The following DLGAP2 variants were observed in gnomAD, a reference collection of about 807,000 sequenced individuals.
The protein encoded by DLGAP2 is disks large-associated protein 2.
Under a neutral mutation model 100.3 loss-of-function variants are expected in DLGAP2, and 26 were observed. The observed-to-expected ratio is 0.26, with a 90% CI of 0.19 to 0.36. DLGAP2 has a LOEUF of 0.36. DLGAP2 is among the 10% of genes least tolerant of loss of function. The pLI is 1.00. For missense variants in DLGAP2, 1,858 were observed against 1,453.2 expected (o/e 1.28, Z -4.53); for synonymous variants, 886 against 630.1 (o/e 1.41, Z -6.08).
At chr8:1,386,027 C>G (rs1264571324) in intron 3 of DLGAP2, among the ~76,000 whole-genome samples, 1 of 152,248 alleles carries the variant, frequency 6.6e-6, no homozygotes, top group Non-Finnish European at 1.5e-5. Flanking sequence ...AATTAAATCT[C>G]TTGTTACAAA....
chr8:1,565,840 T>G lies in DLGAP2; in HGVS notation c.1388T>G (p.Leu463Arg), dbSNP rs553712210. ...AAGACATCACCAAAGTCGGCAATCC[T>G]ACCAGAGCCGCTGCTGAAGTCCATC... ...SPKTSPKSAI[L>R]PEPLLKSIGQ... Residue 463 changes from leucine (L) to arginine (R), a missense_variant, in exon 6 of 15, where the codon CTA becomes CGA. Physicochemically the swap from Leu to Arg is moderately radical, Grantham distance 102. Transcript: ENST00000637795. The G allele has an allele frequency of 6.2e-7, 1 of 1,613,382 alleles. No homozygotes were observed. Among genetic ancestry groups the G allele is most frequent in the Admixed American group, 1.7e-5 (1 of 59,948 alleles).
intron 2 of DLGAP2, among the ~76,000 whole-genome samples, chr8:1,257,823 G>T (rs1799261094): frequency 6.6e-6 from 1 of 152,236 alleles, no homozygotes; most frequent in Non-Finnish European, 1.5e-5. Flanking sequence ...TGACGCACAT[G>T]CTCATTCCCT....
At chr8:905,151 T>C (rs1798352123) in intron 1 of DLGAP2, among the ~76,000 whole-genome samples, 1 of 152,156 alleles carries the variant, frequency 6.6e-6, no homozygotes, top group Non-Finnish European at 1.5e-5. Context: ...TGATTTGTCT[T>C]GGATCCTCAA....
At chr8:922,835 G>C (rs1417355377) in intron 2 of DLGAP2, among the ~76,000 whole-genome samples, 2 of 152,168 alleles carry the variant, frequency 1.3e-5, no homozygotes, top group African/African-American at 4.8e-5. Flanking sequence ...TGTTCTCTCA[G>C]GTGTGAGTTG....
chr8:1,551,038 A>C (rs1263989667), intron 5 of DLGAP2, among the ~76,000 whole-genome samples: 1 of 152,230 alleles, frequency 6.6e-6, no homozygotes, highest in Non-Finnish European at 1.5e-5. Flanking sequence ...CGTGGTGGCA[A>C]ATCCTTCCAG....
At chr8:1,246,622 A>C (rs959750003) in intron 2 of DLGAP2, among the ~76,000 whole-genome samples, 2 of 152,274 alleles carry the variant, frequency 1.3e-5, no homozygotes, top group Admixed American at 6.5e-5. Flanking sequence ...ACCCAAGTTT[A>C]GTGAAGACAA....
intron 3 of DLGAP2, among the ~76,000 whole-genome samples, chr8:1,469,154 G>A (rs193025728): frequency 1.8e-3 from 267 of 152,354 alleles, no homozygotes; most frequent in African/African-American, 6.0e-3. Context: ...GCACCAGGCA[G>A]AGGCCTGCCC....
rs1178037914 is a variant in DLGAP2, at chr8:1,566,662, A to G, written c.1442+768A>G. ...GGCCAGTGCCACATAAGAGTTATTAATTATGACCCACACATCAGACAGGGA... is the reference window on the plus strand; with the variant it reads ...GGCCAGTGCCACATAAGAGTTATTAGTTATGACCCACACATCAGACAGGGA... On this transcript the variant is annotated intron_variant, in intron 6 of 14. Coordinates refer to ENST00000637795, the MANE Select transcript of DLGAP2 (RefSeq NM_001346810.2). Among the ~76,000 whole-genome samples the G allele has an allele frequency of 3.3e-5, 5 of 152,186 alleles. No individual in the cohort carries two copies. The East Asian group carries it at 9.6e-4, about 29-fold the overall frequency.
At chr8:1,336,689 G>A (rs1801283074) in intron 3 of DLGAP2, among the ~76,000 whole-genome samples, 1 of 152,162 alleles carries the variant, frequency 6.6e-6, no homozygotes, top group Non-Finnish European at 1.5e-5. Flanking sequence ...TGCTTCTGTT[G>A]AGCCACTCTT....
intron 4 of DLGAP2, among the ~76,000 whole-genome samples, chr8:1,523,934 G>A (rs534919056): frequency 6.6e-6 from 1 of 152,192 alleles, no homozygotes; most frequent in African/African-American, 2.4e-5. Flanking sequence ...TAAGCTGCTG[G>A]ATCTGTGGGG....
At chr8:1,626,912 C>T in intron 7 of DLGAP2, 25 bp downstream of exon 7, 1 of 1,568,294 alleles carries the variant, frequency 6.4e-7, no homozygotes, top group Non-Finnish European at 8.6e-7. Context: ...GCCCTTTCTC[C>T]CTGGGGTCCA....
At chr8:919,311 G>C (rs533047619) in intron 2 of DLGAP2, among the ~76,000 whole-genome samples, 1 of 152,312 alleles carries the variant, frequency 6.6e-6, no homozygotes, top group South Asian at 2.1e-4. Flanking sequence ...GGGTAGCTGA[G>C]ACAGAGCTGC....
intron 2 of DLGAP2, among the ~76,000 whole-genome samples, chr8:977,160 C>T (rs1172547896): frequency 6.6e-6 from 1 of 152,228 alleles, no homozygotes; most frequent in African/African-American, 2.4e-5. Context: ...CCTCCTCTTG[C>T]CTCCCCTCCT....
chr8:746,880 T>G (rs570209192), intron 1 of DLGAP2, among the ~76,000 whole-genome samples: 1 of 152,326 alleles, frequency 6.6e-6, no homozygotes, highest in South Asian at 2.1e-4. Context: ...CCTGAAGGCA[T>G]GATGCGAGGA....
At chr8:839,170 T>A (rs1054413302) in intron 1 of DLGAP2, among the ~76,000 whole-genome samples, 47 of 152,082 alleles carry the variant, frequency 3.1e-4, no homozygotes, top group African/African-American at 1.1e-3. Flanking sequence ...ATGAAAACAG[T>A]ATGCAGGTTC....
chr8:1,327,867 C>G (rs774360714), intron 3 of DLGAP2, among the ~76,000 whole-genome samples: 5 of 152,068 alleles, frequency 3.3e-5, no homozygotes, highest in Admixed American at 3.3e-4. Context: ...AATAAAATGA[C>G]GTGCTTGTAA....
chr8:1,443,345 C>T (rs934904049), intron 3 of DLGAP2, among the ~76,000 whole-genome samples: 2 of 152,160 alleles, frequency 1.3e-5, no homozygotes, highest in Non-Finnish European at 2.9e-5. Flanking sequence ...AGCCTTCCCT[C>T]CACTGCCCAG....
At position 1,691,869 on chromosome 8, in the gene DLGAP2, G is replaced by C. The variant is rs577168746; in HGVS notation, c.2796+243G>C. The stretch of plus-strand genomic sequence containing the variant: ...TTAAACGCGGTACCGAGGCAGGGAG[G>C]CGGATACGGCCCTGGTTTAAACGCG... On this transcript the variant is annotated intron_variant, in intron 13 of 14. Transcript: ENST00000637795. 2.7e-3 allele frequency among the ~76,000 whole-genome samples: 273 copies of C among 101,688 alleles called. 4 individuals are homozygous for C. Among genetic ancestry groups the C allele is most frequent in the African/African-American group, 0.01 (262 of 25,544 alleles). 66.7% of individuals were successfully genotyped at this position (101,688 alleles called of 152,430 possible). A position where few individuals can be genotyped will look rare whatever the true frequency, so the allele number is the denominator to read the frequency against.
intron 3 of DLGAP2, among the ~76,000 whole-genome samples, chr8:1,318,742 C>T (rs942189696): frequency 4.2e-4 from 64 of 150,846 alleles, no homozygotes; most frequent in African/African-American, 1.5e-3. Flanking sequence ...TATATTTTTA[C>T]TGTTTTCATT....
Sources: gnomAD v4.1 joint callset for allele counts (sites outside exome capture counted in the v4.1 genomes callset) on GRCh38, gnomAD v4.1.1 for gene constraint, MANE v1.5 for transcripts, NCBI Gene and HGNC (gene_info 2026-07-23, HGNC 2026-07-21) for gene names.